Variants in ANKS6 observed in about 807,000 individuals in gnomAD.
ANKS6 encodes ankyrin repeat and SAM domain-containing protein 6.
In ANKS6, 47 loss-of-function variants were observed where a neutral mutation model predicts 77.9. That is an observed-to-expected ratio of 0.60 (90% CI 0.48 to 0.77). The LOEUF is 0.77. ANKS6 is among the 30% of genes least tolerant of loss of function. The pLI is 0.00. For missense variants in ANKS6, 1,150 were observed against 1,159.1 expected (o/e 0.99, Z 0.11); for synonymous variants, 488 against 501.7 (o/e 0.97, Z 0.37).
At chr9:98,777,370 G>C (rs1191218946) in intron 8 of ANKS6, 35 bp downstream of exon 8, 1 of 1,604,592 alleles carries the variant, frequency 6.2e-7, no homozygotes, top group East Asian at 2.2e-5. Flanking sequence ...GATTGCCGGA[G>C]ACCTAAAATG....
At position 98,751,012 on chromosome 9, in the gene ANKS6, A is replaced by G. The variant is rs1402624968; in HGVS notation, c.2394+17T>C. The G allele has an allele frequency of 6.3e-7, 1 of 1,590,238 alleles. No homozygotes were observed. The highest frequency in any genetic ancestry group is 2.2e-5 in the East Asian group (1 of 44,788). On this transcript the variant is annotated intron_variant, in intron 13 of 14. Coordinates refer to ENST00000353234, the MANE Select transcript of ANKS6 (RefSeq NM_173551.5). ...CATAGTAAGATTTAAATTGACATTC[A>G]AAAAGAGCATTCTTACCTCTTGTTC... is the stretch of plus-strand genomic sequence containing the variant.
chr9:98,756,677 A>G, intron 11 of ANKS6, 74 bp from the exon 12 acceptor site: 1 of 1,270,064 alleles, frequency 7.9e-7, no homozygotes, highest in Non-Finnish European at 1.0e-6. Context: ...GACACCCACA[A>G]CAGGGAACAT....
Position 98,784,042 on chromosome 9 carries a change from C to T in ANKS6, c.1023G>A (p.Leu341=), listed in dbSNP as rs776649978. The T allele has an allele frequency of 1.2e-6, 2 of 1,611,456 alleles. No homozygotes were observed. The highest frequency in any genetic ancestry group is 8.5e-7 in the Non-Finnish European group (1 of 1,179,192). The change falls in exon 4 of 15, where the codon CTG becomes CTA. Residue 341 remains leucine (L), a synonymous_variant. Transcript: ENST00000353234. ...CGTGCCTCTCCACCAGCAGCTGCAC[C>T]AGAGCCAGCTGCCCCGTAACAGCTG... The part of the protein sequence containing the change: ...MLAAVTGQLA[L]VQLLVERHAD...
In ANKS6 at chr9:98,735,353, A is replaced by G; in HGVS notation, c.*1166T>C. 1.9e-6 allele frequency: 2 copies of G among 1,046,882 alleles called. No individual in the cohort carries two copies. The highest frequency in any genetic ancestry group is 2.3e-6 in the Non-Finnish European group (2 of 871,226). The allele number at this position is 1,046,882 out of a possible 1,614,324, so 64.8% of individuals were successfully genotyped here. On this transcript the variant is annotated 3_prime_UTR_variant, in exon 15 of 15. Coordinates refer to ENST00000353234, the MANE Select transcript of ANKS6 (RefSeq NM_173551.5). ...TGTGTCTGCACACTTGGCACCTGGT[A>G]GCTAACATAAATGCAACAAGCACTG...
Position 98,768,129 on chromosome 9 carries a change from C to T in ANKS6, c.2094G>A (p.Pro698=), listed in dbSNP as rs368311212. Residue 698 remains proline (P), a synonymous_variant, in exon 11 of 15, where the codon CCG becomes CCA. Coordinates refer to ENST00000353234, the MANE Select transcript of ANKS6 (RefSeq NM_173551.5). ...SPVGPAPGSS[P]SELPASPAGG... ...CTGCAGGGGAGGCTGGAAGCTCAGA[C>T]GGGCTGGACCCCGGTGCTGGCCCCA... 42 of 1,612,986 alleles carry T rather than the reference C, an allele frequency of 2.6e-5. No homozygotes were observed. Among genetic ancestry groups the T allele is most frequent in the South Asian group, 5.5e-5 (5 of 90,946 alleles).
Position 98,733,840 on chromosome 9 carries a change from T to C in ANKS6, c.*2679A>G. On this transcript the variant is annotated 3_prime_UTR_variant, in exon 15 of 15. Transcript: ENST00000353234. ...TTCACATACACACCCTACGTTTCTT[T>C]ATGAAAAACCTATTATCCTGTGGAA... 2.0e-6 allele frequency: 2 copies of C among 985,386 alleles called. No homozygotes were observed. The highest frequency in any genetic ancestry group is 2.4e-6 in the Non-Finnish European group (2 of 829,932). 61.0% of individuals were successfully genotyped at this position (985,386 alleles called of 1,614,324 possible).
intron 10 of ANKS6, among the ~76,000 whole-genome samples, chr9:98,770,024 G>A (rs75501266): frequency 8.5e-5 from 13 of 152,210 alleles, no homozygotes; most frequent in African/African-American, 3.1e-4. Flanking sequence ...GAAGCAGGGT[G>A]GCTGATATGG....
intron 14 of ANKS6, among the ~76,000 whole-genome samples, chr9:98,742,447 T>TATC (rs1385909507): frequency 1.3e-5 from 2 of 151,980 alleles, no homozygotes; most frequent in Non-Finnish European, 2.9e-5. Flanking sequence ...CAGCAGAAGT[T>TATC]AAATTTGCTT....
intron 14 of ANKS6, 42 bp from the exon 15 acceptor site, chr9:98,736,665 A>G: frequency 6.4e-7 from 1 of 1,550,572 alleles, no homozygotes; most frequent in Non-Finnish European, 8.8e-7. Flanking sequence ...GTCTTATTAA[A>G]CCTTTTAACC....
chr9:98,781,983 G>C (rs917369836), intron 5 of ANKS6, among the ~76,000 whole-genome samples: 35 of 152,160 alleles, frequency 2.3e-4, no homozygotes, highest in Non-Finnish European at 4.1e-4. Flanking sequence ...GCAGGTACCA[G>C]CCGAGGCCAA....
intron 10 of ANKS6, among the ~76,000 whole-genome samples, chr9:98,768,747 A>G (rs1833452038): frequency 6.6e-6 from 1 of 152,106 alleles, no homozygotes; most frequent in South Asian, 2.1e-4. Flanking sequence ...CAATTCCATA[A>G]TGCTCAGAGT....
chr9:98,789,249 T>G (rs117082532), intron 2 of ANKS6, among the ~76,000 whole-genome samples: 2 of 152,246 alleles, frequency 1.3e-5, no homozygotes, highest in East Asian at 3.9e-4. Context: ...TGTTACTCCC[T>G]GGCTGTGAGT....
chr9:98,769,127 G>GAAAAAAAAA (rs367857301), intron 10 of ANKS6, among the ~76,000 whole-genome samples: 1 of 102,992 alleles, frequency 9.7e-6, no homozygotes. Flanking sequence ...CTGTCTCAAA[G>GAAAAAAAAA]AAAAAAAAAA....
chr9:98,790,344 G>C lies in ANKS6; in HGVS notation c.622C>G (p.Arg208Gly). 6.2e-7 allele frequency: 1 copy of C among 1,612,530 alleles called. No homozygotes were observed. Among genetic ancestry groups the C allele is most frequent in the Non-Finnish European group, 8.5e-7 (1 of 1,179,614 alleles). Residue 208 changes from arginine (R) to glycine (G), a missense_variant, in exon 2 of 15, where the codon CGT becomes GGT. Physicochemically the swap from Arg to Gly is moderately radical, Grantham distance 125. Transcript: ENST00000353234. ...AIQHGHEAVVRLLMEWGADPN... is the reference protein window; with the variant it reads ...AIQHGHEAVVGLLMEWGADPN... ...TCCGCGCCCCACTCCATCAGTAGAC[G>C]CACCACGGCCTCGTGCCCGTGCTGG...
chr9:98,744,930 A>G (rs1352606804), intron 14 of ANKS6, among the ~76,000 whole-genome samples: 1 of 152,042 alleles, frequency 6.6e-6, no homozygotes, highest in African/African-American at 2.4e-5. Context: ...ATAGCCCAAT[A>G]GCAACTACAA....
chr9:98,756,634 C>G (rs2117929352), intron 11 of ANKS6, 31 bp from the exon 12 acceptor site: 2 of 1,460,730 alleles, frequency 1.4e-6, no homozygotes, highest in Non-Finnish European at 1.8e-6. Flanking sequence ...AATACATAAG[C>G]CATCACCTGT....
At chr9:98,769,081 C>G (rs570441499) in intron 10 of ANKS6, among the ~76,000 whole-genome samples, 1 of 149,012 alleles carries the variant, frequency 6.7e-6, no homozygotes, top group African/African-American at 2.5e-5. Flanking sequence ...GAGTGAAGAT[C>G]GCACCACTGC....
rs1831456097 is a variant in ANKS6 at position 98,735,641 on chromosome 9, C to T, written c.*878G>A. On this transcript the variant is annotated 3_prime_UTR_variant, in exon 15 of 15. Coordinates refer to ENST00000353234, the MANE Select transcript of ANKS6 (RefSeq NM_173551.5). ...CAGTGCAGAAAGCCCTGCAGTGATA[C>T]AGGTGAGCACTGTGGAGTACCAGAG... The T allele has an allele frequency of 8.9e-6, 11 of 1,231,778 alleles. No homozygotes were observed. Among genetic ancestry groups the T allele is most frequent in the Non-Finnish European group, 1.1e-5 (11 of 987,980 alleles). The allele number at this position is 1,231,778 out of a possible 1,614,324, so 76.3% of individuals were successfully genotyped here. A position where few individuals can be genotyped will look rare whatever the true frequency, so the allele number is the denominator to read the frequency against.
In ANKS6 at chr9:98,791,562, G is replaced by A. The variant is rs896999999; in HGVS notation, c.360-956C>T. Reference sequence around the variant, plus strand: ...GTTTTGTGGTGTCTCTGGTGGGCTCGGAGCTGTGTATCTCCAAGCTGGAAG... The same window carrying A: ...GTTTTGTGGTGTCTCTGGTGGGCTCAGAGCTGTGTATCTCCAAGCTGGAAG... On this transcript the variant is annotated intron_variant, in intron 1 of 14. Coordinates refer to ENST00000353234, the MANE Select transcript of ANKS6 (RefSeq NM_173551.5). The surrounding 1 kb of genome is among the most constrained non-coding windows in gnomAD (Gnocchi z 4.3). Among the ~76,000 whole-genome samples the A allele has an allele frequency of 2.0e-5, 3 of 152,148 alleles. No homozygotes were observed. The highest frequency in any genetic ancestry group is 2.4e-5 in the African/African-American group (1 of 41,410).
Sources: gnomAD v4.1 joint callset for allele counts (sites outside exome capture counted in the v4.1 genomes callset) on GRCh38, gnomAD v4.1.1 for gene constraint, Gnocchi (gnomAD v3.1) non-coding constraint, MANE v1.5 for transcripts, NCBI Gene and HGNC (gene_info 2026-07-23, HGNC 2026-07-21) for gene names.